PRKN: variants seen among roughly 807,000 people sequenced by gnomAD.
PRKN encodes the protein parkin RBR E3 ubiquitin protein ligase, also known as E3 ubiquitin-protein ligase parkin.
Under a neutral mutation model 59.5 loss-of-function variants are expected in PRKN, and 56 were observed. The observed-to-expected ratio is 0.94, with a 90% CI of 0.76 to 1.18. PRKN has a LOEUF of 1.18. Ranked by LOEUF, PRKN falls within the 50% of genes most tolerant of loss-of-function variation. PRKN has a pLI of 0.00. For synonymous variants in PRKN, 250 were observed against 222.1 expected (o/e 1.13, Z -1.12); for missense variants, 657 against 596.4 (o/e 1.10, Z -1.06).
chr6:162,495,719 G>C (rs1242087331), intron 1 of PRKN, among the ~76,000 whole-genome samples: 1 of 152,142 alleles, frequency 6.6e-6, no homozygotes, highest in Non-Finnish European at 1.5e-5. Flanking sequence ...CTGCCGCCAA[G>C]TGTTGTTCAT....
At chr6:162,398,646 TC>T (rs1327898726) in intron 2 of PRKN, among the ~76,000 whole-genome samples, 1 of 152,214 alleles carries the variant, frequency 6.6e-6, no homozygotes, top group Non-Finnish European at 1.5e-5. Flanking sequence ...CGCCTCAGCC[TC>T]CCAAAGTGCT....
rs1361070945 is a variant in PRKN, at chr6:161,846,203, T to C, written c.735-60295A>G. Among the ~76,000 whole-genome samples the C allele has an allele frequency of 5.3e-5, 8 of 152,178 alleles. No individual in the cohort carries two copies. The South Asian group carries it at 6.2e-4, about 12-fold the overall frequency. On this transcript the variant is annotated intron_variant, in intron 6 of 11. Coordinates refer to ENST00000366898, the MANE Select transcript of PRKN (RefSeq NM_004562.3). ...ATGATATCTAATGCGGGTTCTAATA[T>C]AGAAACATATTTCTTCCAATGTCTC...
intron 1 of PRKN, among the ~76,000 whole-genome samples, chr6:162,627,344 T>C (rs562108095): frequency 2.0e-5 from 3 of 152,344 alleles, no homozygotes; most frequent in Non-Finnish European, 2.9e-5. Context: ...TAAGAGGTTA[T>C]TCAAAAATAT....
chr6:162,371,773 C>G (rs1024734823), intron 2 of PRKN, among the ~76,000 whole-genome samples: 11 of 152,294 alleles, frequency 7.2e-5, no homozygotes, highest in African/African-American at 2.6e-4. Flanking sequence ...GTGATGCCAA[C>G]AAATTGGGTA....
chr6:162,221,118 GT>G (rs1370085994), intron 3 of PRKN, among the ~76,000 whole-genome samples: 1 of 152,156 alleles, frequency 6.6e-6, no homozygotes, highest in African/African-American at 2.4e-5. Flanking sequence ...TGCTGGAATA[GT>G]TTCTTTTTTA....
At chr6:162,572,538 T>A (rs1021623249) in intron 1 of PRKN, among the ~76,000 whole-genome samples, 11 of 152,166 alleles carry the variant, frequency 7.2e-5, no homozygotes, top group African/African-American at 2.4e-4. Context: ...CAGACATCCT[T>A]AAGTCTGTCA....
At chr6:161,358,639 C>T (rs1316340103) in intron 11 of PRKN, among the ~76,000 whole-genome samples, 4 of 151,878 alleles carry the variant, frequency 2.6e-5, no homozygotes, top group African/African-American at 4.8e-5. Flanking sequence ...CCCTTGTCAG[C>T]GAAATACCAG....
chr6:162,506,251 C>CAAAA (rs10528135), intron 1 of PRKN, among the ~76,000 whole-genome samples: 57 of 95,308 alleles, frequency 6.0e-4, no homozygotes, highest in African/African-American at 2.1e-3. Flanking sequence ...AAAGAGGAAG[C>CAAAA]AAAAAAAAAA....
intron 4 of PRKN, among the ~76,000 whole-genome samples, chr6:162,064,487 G>T (rs1261972564): frequency 6.6e-6 from 1 of 152,118 alleles, no homozygotes; most frequent in Non-Finnish European, 1.5e-5. Flanking sequence ...TGTGATTTCT[G>T]TTATAAGATA....
chr6:162,375,104 G>A (rs1785989857), intron 2 of PRKN, among the ~76,000 whole-genome samples: 1 of 151,938 alleles, frequency 6.6e-6, no homozygotes, highest in African/African-American at 2.4e-5. Flanking sequence ...AATTTCTTAT[G>A]GAGTCTATTA....
intron 3 of PRKN, among the ~76,000 whole-genome samples, chr6:162,223,795 T>G (rs955063516): frequency 1.3e-5 from 2 of 152,172 alleles, no homozygotes; most frequent in Non-Finnish European, 2.9e-5. Flanking sequence ...CTGTAAAATT[T>G]GTTGACTTTT....
chr6:162,461,961 G>A (rs1426474658), intron 1 of PRKN, among the ~76,000 whole-genome samples: 1 of 152,084 alleles, frequency 6.6e-6, no homozygotes, highest in Admixed American at 6.6e-5. Context: ...GTTTTTTATT[G>A]CTACAGGTTA....
intron 5 of PRKN, among the ~76,000 whole-genome samples, chr6:162,008,180 A>G (rs1346596994): frequency 6.6e-6 from 1 of 152,212 alleles, no homozygotes; most frequent in Non-Finnish European, 1.5e-5. Flanking sequence ...AGGAGACTAT[A>G]GAAGTCAAGA....
chr6:162,156,258 TAGTC>T (rs1359108710), intron 4 of PRKN, among the ~76,000 whole-genome samples: 1 of 152,190 alleles, frequency 6.6e-6, no homozygotes, highest in African/African-American at 2.4e-5. Flanking sequence ...CTTGATGTGT[TAGTC>T]AGGGTTCCCT....
chr6:161,635,387 T>C (rs1783474600), intron 7 of PRKN, among the ~76,000 whole-genome samples: 1 of 152,186 alleles, frequency 6.6e-6, no homozygotes, highest in African/African-American at 2.4e-5. Flanking sequence ...TCTTATAAAA[T>C]GAGCCTATTT....
chr6:162,374,919 T>A (rs1048634654), intron 2 of PRKN, among the ~76,000 whole-genome samples: 1 of 152,152 alleles, frequency 6.6e-6, no homozygotes, highest in African/African-American at 2.4e-5. Flanking sequence ...TTTAGCCAAG[T>A]AGTCTGTTAA....
chr6:162,443,243 G>C, intron 2 of PRKN, 67 bp downstream of exon 2: 1 of 1,506,572 alleles, frequency 6.6e-7, no homozygotes, highest in Middle Eastern at 2.4e-4. Context: ...ATGTCAGATT[G>C]GCAGCGCAGG....
At chr6:161,643,556 A>C (rs953878520) in intron 7 of PRKN, among the ~76,000 whole-genome samples, 9 of 152,258 alleles carry the variant, frequency 5.9e-5, no homozygotes, top group Admixed American at 5.9e-4. Flanking sequence ...ATTTAAACAT[A>C]GGCCAGTGAA....
rs568872777 is a variant in PRKN, at chr6:162,321,931, T to C, written c.172-59166A>G. Among the ~76,000 whole-genome samples the C allele has an allele frequency of 3.3e-5, 5 of 152,094 alleles. No individual in the cohort carries two copies. The South Asian group carries it at 1.0e-3, about 32-fold the overall frequency. ...GATGAAAGATTGTCTACTTTCCCTC[T>C]GAGATTGAGGCCTTAATGTTAAGTC... On this transcript the variant is annotated intron_variant, in intron 2 of 11. Transcript: ENST00000366898.
Sources: gnomAD v4.1 joint callset for allele counts (sites outside exome capture counted in the v4.1 genomes callset) on GRCh38, gnomAD v4.1.1 for gene constraint, MANE v1.5 for transcripts, NCBI Gene and HGNC (gene_info 2026-07-23, HGNC 2026-07-21) for gene names.